Variants in NSF observed in about 807,000 individuals in gnomAD.
NSF encodes vesicle-fusing ATPase.
In NSF, 14 loss-of-function variants were observed where a neutral mutation model predicts 50.3. The observed-to-expected ratio is 0.28, with a 90% CI of 0.18 to 0.44. NSF has a LOEUF of 0.44. NSF is among the 20% of genes least tolerant of loss of function. NSF has a pLI of 1.00. For missense variants in NSF, 218 were observed against 504.3 expected, an observed-to-expected ratio of 0.43 and a Z score of 5.44; for synonymous variants, 109 against 175.7, an observed-to-expected ratio of 0.62 and a Z score of 3.00.
rs1469560000 is a variant in NSF at position 46,671,887 on chromosome 17, G to T, written c.746-2527G>T. Among the ~76,000 whole-genome samples, 3 of 144,560 alleles carry T rather than the reference G, an allele frequency of 2.1e-5. No individual in the cohort carries two copies. In the Admixed American group the frequency reaches 2.1e-4, roughly 10 times the overall value. 94.8% of individuals were successfully genotyped at this position (144,560 alleles called of 152,430 possible). ...TTCGGAAAGTCTCAGTCTTGCAAAT[G>T]TATTTTTTTTTTAAGTATTTAAATT... On this transcript the variant is annotated intron_variant, in intron 8 of 20. Transcript: ENST00000398238.
chr17:46,745,610 A>G (rs1051632385), intron 17 of NSF, among the ~76,000 whole-genome samples: 7 of 152,200 alleles, frequency 4.6e-5, no homozygotes, highest in African/African-American at 1.7e-4. Context: ...CCACTGTTCT[A>G]GGGCCAACAT....
intron 17 of NSF, among the ~76,000 whole-genome samples, chr17:46,739,823 C>G (rs2059051636): frequency 1.3e-5 from 2 of 151,884 alleles, no homozygotes; most frequent in Non-Finnish European, 2.9e-5. Context: ...CTCAGCCTCC[C>G]AAGTAGCTGG....
chr17:46,720,234 C>T (rs1369868259), intron 15 of NSF, among the ~76,000 whole-genome samples: 3 of 152,122 alleles, frequency 2.0e-5, no homozygotes, highest in Non-Finnish European at 2.9e-5. Flanking sequence ...GTGGGCACTC[C>T]GGAAGTGACT....
At chr17:46,741,813 C>T (rs2059074725) in intron 17 of NSF, among the ~76,000 whole-genome samples, 2 of 152,152 alleles carry the variant, frequency 1.3e-5, no homozygotes, top group Admixed American at 6.5e-5. Context: ...GTTGCCCAGG[C>T]TGGAGTGCAG....
intron 4 of NSF, among the ~76,000 whole-genome samples, chr17:46,635,744 C>A (rs1299047499): frequency 9.0e-6 from 1 of 110,568 alleles, no homozygotes; most frequent in Non-Finnish European, 1.9e-5. Flanking sequence ...AATTTTAGGA[C>A]AAGTATCTTC....
intron 17 of NSF, among the ~76,000 whole-genome samples, chr17:46,741,911 A>G (rs572924766): frequency 9.9e-5 from 15 of 152,268 alleles, no homozygotes; most frequent in Middle Eastern, 3.4e-3. Context: ...GATTACAGGC[A>G]TGTGCCACCA....
intron 8 of NSF, among the ~76,000 whole-genome samples, chr17:46,661,387 ATT>A (rs1231716421): frequency 4.9e-4 from 57 of 117,082 alleles, no homozygotes; most frequent in East Asian, 2.7e-3. Flanking sequence ...TTTTATTATT[ATT>A]ATTATTATTA....
chr17:46,749,999 T>C, intron 18 of NSF, 92 bp downstream of exon 18: 1 of 1,390,084 alleles, frequency 7.2e-7, no homozygotes, highest in Non-Finnish European at 9.9e-7. Flanking sequence ...GTTTGGTTTT[T>C]ATGCTAATCT....
At chr17:46,727,982 A>C (rs1395976045) in intron 16 of NSF, among the ~76,000 whole-genome samples, 1 of 151,908 alleles carries the variant, frequency 6.6e-6, no homozygotes, top group Non-Finnish European at 1.5e-5. Context: ...TGTGCCATGT[A>C]TTTTGGATAT....
chr17:46,612,268 T>C (rs1055075224), intron 1 of NSF, among the ~76,000 whole-genome samples: 1 of 81,948 alleles, frequency 1.2e-5, no homozygotes, highest in Non-Finnish European at 2.3e-5. Context: ...AGTAGAGAAA[T>C]TGGAGCCCTC....
At chr17:46,595,514 G>T (rs564241844) in intron 1 of NSF, among the ~76,000 whole-genome samples, 2 of 118,714 alleles carry the variant, frequency 1.7e-5, no homozygotes, top group African/African-American at 4.7e-5. Context: ...TTTTTGAGAC[G>T]GAGTCTTGCT....
chr17:46,610,027 T>TTCTTTCTC lies in NSF; in HGVS notation c.13-14214_13-14213insTTCTCTCT, dbSNP rs774244394. Among the ~76,000 whole-genome samples the TTCTTTCTC allele has an allele frequency of 1.7e-3, 185 of 109,374 alleles. 1 individual carries two copies. The highest frequency in any genetic ancestry group is 0.012 in the East Asian group (56 of 4,708). The allele number at this position is 109,374 out of a possible 152,430, so 71.8% of individuals were successfully genotyped here. On this transcript the variant is annotated intron_variant, in intron 1 of 20. Transcript: ENST00000398238. ...TTTCTCTCTTTCTTTCTTTCTTTCTTTCTCTCTCTCTCTCTCTTTCTTTCT... is the reference window on the plus strand; with the variant it reads ...TTTCTCTCTTTCTTTCTTTCTTTCTTTCTTTCTCTCTCTCTCTCTCTCTCTTTCTTTCT...
At chr17:46,678,583 G>T (rs1010795733) in intron 9 of NSF, among the ~76,000 whole-genome samples, 2 of 140,122 alleles carry the variant, frequency 1.4e-5, no homozygotes, top group African/African-American at 2.7e-5. Flanking sequence ...ATCAAAATCA[G>T]GATTTGAAGA....
intron 17 of NSF, among the ~76,000 whole-genome samples, chr17:46,739,655 A>T (rs1168534992): frequency 6.6e-6 from 1 of 151,742 alleles, no homozygotes; most frequent in Non-Finnish European, 1.5e-5. Flanking sequence ...AAAAAAATAA[A>T]TTTTCCACCT....
chr17:46,621,027 A>G (rs2058059835), intron 1 of NSF, among the ~76,000 whole-genome samples: 1 of 97,768 alleles, frequency 1.0e-5, no homozygotes, highest in African/African-American at 4.6e-5. Flanking sequence ...ACACAACTGT[A>G]GTCCCAGCTA....
chr17:46,747,337 G>C (rs1286716246), intron 17 of NSF, among the ~76,000 whole-genome samples: 1 of 152,192 alleles, frequency 6.6e-6, no homozygotes, highest in Non-Finnish European at 1.5e-5. Context: ...CAGGAGTGCA[G>C]TGGTGCCATC....
intron 17 of NSF, among the ~76,000 whole-genome samples, chr17:46,745,170 C>T (rs1229944722): frequency 6.6e-6 from 1 of 152,168 alleles, no homozygotes; most frequent in Non-Finnish European, 1.5e-5. Context: ...AGCTGCATCC[C>T]CATTTCATGC....
At chr17:46,708,393 A>G (rs529893348) in intron 13 of NSF, among the ~76,000 whole-genome samples, 2 of 152,116 alleles carry the variant, frequency 1.3e-5, no homozygotes, top group African/African-American at 4.8e-5. Flanking sequence ...CCTAATGAAT[A>G]TGAAGTGACA....
intron 15 of NSF, chr17:46,722,152 C>G (rs1210827521): frequency 6.2e-7 from 1 of 1,611,636 alleles, no homozygotes; most frequent in African/African-American, 1.3e-5. Context: ...ACGATCTTGG[C>G]GCTCGAACTG....
Sources: gnomAD v4.1 joint callset for allele counts (sites outside exome capture counted in the v4.1 genomes callset) on GRCh38, gnomAD v4.1.1 for gene constraint, MANE v1.5 for transcripts, NCBI Gene and HGNC (gene_info 2026-07-23, HGNC 2026-07-21) for gene names.